LRP6: variants seen among roughly 807,000 people sequenced by gnomAD.
LRP6 encodes LDL receptor related protein 6.
A neutral mutation model predicts 184.1 loss-of-function variants in LRP6; 43 were observed. The observed-to-expected ratio is 0.23, with a 90% CI of 0.18 to 0.30. The LOEUF is 0.30. Ranked by LOEUF, LRP6 falls within the 10% of genes least tolerant of loss-of-function variation. The pLI, the probability that LRP6 is intolerant of heterozygous loss-of-function variation, is 1.00. For synonymous variants in LRP6, 719 were observed against 684.9 expected (o/e 1.05, Z -0.78); for missense variants, 1,571 against 2,005.3 (o/e 0.78, Z 4.14).
At chr12:12,201,321 T>C (rs1356513982) in intron 3 of LRP6, among the ~76,000 whole-genome samples, 1 of 152,212 alleles carries the variant, frequency 6.6e-6, no homozygotes, top group African/African-American at 2.4e-5. Flanking sequence ...AGTAGTTCCA[T>C]TTTGAGAGTT....
chr12:12,262,740 G>A (rs945499323), intron 1 of LRP6, among the ~76,000 whole-genome samples: 3 of 152,144 alleles, frequency 2.0e-5, no homozygotes, highest in Non-Finnish European at 2.9e-5. Flanking sequence ...TGTGAGGCCC[G>A]TTAGATTAGG....
chr12:12,180,928 A>G, intron 6 of LRP6, 115 bp downstream of exon 6: 1 of 1,080,344 alleles, frequency 9.3e-7, no homozygotes, highest in South Asian at 1.3e-5. Context: ...GACAGCCATT[A>G]AAGAGCTGTT....
At chr12:12,256,427 C>T (rs1264847526) in intron 1 of LRP6, among the ~76,000 whole-genome samples, 8 of 151,962 alleles carry the variant, frequency 5.3e-5, no homozygotes, top group Admixed American at 1.3e-4. Flanking sequence ...GAAGGATCAC[C>T]GGAGCCTGGG....
intron 3 of LRP6, among the ~76,000 whole-genome samples, chr12:12,198,888 C>T (rs1035251319): frequency 1.3e-5 from 2 of 152,024 alleles, no homozygotes; most frequent in Non-Finnish European, 2.9e-5. Flanking sequence ...TGACTTTTGA[C>T]TCATTTATTT....
At chr12:12,250,798 T>C (rs559444003) in intron 1 of LRP6, among the ~76,000 whole-genome samples, 2 of 151,858 alleles carry the variant, frequency 1.3e-5, no homozygotes, top group Non-Finnish European at 2.9e-5. Context: ...AATTTTTGTA[T>C]TTTTAGTAGA....
At chr12:12,241,388 G>A (rs1057011342) in intron 2 of LRP6, among the ~76,000 whole-genome samples, 2 of 152,036 alleles carry the variant, frequency 1.3e-5, no homozygotes, top group East Asian at 1.9e-4. Flanking sequence ...CACAATCCAC[G>A]ATACAAATCT....
chr12:12,215,399 A>G (rs1864315570), intron 2 of LRP6, among the ~76,000 whole-genome samples: 1 of 152,118 alleles, frequency 6.6e-6, no homozygotes, highest in Non-Finnish European at 1.5e-5. Flanking sequence ...AATGGCCTTA[A>G]TCAGTAAGGA....
chr12:12,136,478 A>G (rs1000866859), intron 16 of LRP6, among the ~76,000 whole-genome samples: 1 of 152,242 alleles, frequency 6.6e-6, no homozygotes, highest in African/African-American at 2.4e-5. Context: ...TTCCTCATAC[A>G]TGGGCTAAGT....
At chr12:12,248,610 T>C (rs1024422590) in intron 1 of LRP6, among the ~76,000 whole-genome samples, 13 of 149,996 alleles carry the variant, frequency 8.7e-5, no homozygotes, top group Non-Finnish European at 1.8e-4. Flanking sequence ...GCCTCCCGAG[T>C]AGCTGGGACT....
In LRP6 at chr12:12,131,940, T is replaced by C. The variant is rs570231124; in HGVS notation, c.3851A>G (p.Asn1284Ser). 17 of 1,614,158 alleles carry C rather than the reference T, an allele frequency of 1.1e-5. No individual in the cohort carries two copies. The African/African-American group carries it at 1.1e-4, about 10-fold the overall frequency. The change falls in exon 18 of 23, where the codon AAT becomes AGT. Residue 1284 changes from asparagine (N) to serine (S), a missense_variant. Asn to Ser is a conservative substitution (Grantham distance 46). Around this residue, in one of 4 missense-constraint regions of LRP6, gnomAD observed 763 missense variants for 859.5 expected, o/e 0.89. Coordinates refer to ENST00000261349, the MANE Select transcript of LRP6 (RefSeq NM_002336.3). The stretch of plus-strand genomic sequence containing the variant: ...CTGGGACTCTGAGCATACAGGACAA[T>C]TGAGTTCATCACTGTGGTCTTCACA... ...TECEDHSDEL[N>S]CPVCSESQFQ...
chr12:12,126,000 T>A (rs1300530321), intron 20 of LRP6, among the ~76,000 whole-genome samples: 6 of 152,210 alleles, frequency 3.9e-5, no homozygotes, highest in Admixed American at 3.9e-4. Context: ...AAAACCATGT[T>A]TGTCTACTTA....
rs56169717 is a variant in LRP6 at position 12,205,329 on chromosome 12, C to CAAAAAA, written c.450-1935_450-1930dup. Among the ~76,000 whole-genome samples, 33 of 39,106 alleles carry CAAAAAA rather than the reference C, an allele frequency of 8.4e-4. 1 individual carries two copies. Among genetic ancestry groups the CAAAAAA allele is most frequent in the African/African-American group, 1.3e-3 (17 of 13,246 alleles). The allele number at this position is 39,106 out of a possible 152,430, so 25.7% of individuals were successfully genotyped here. ...AGAATAAGACTCTGTCTCAAACAAACAAAAAAAAAAAAAAAAAAAAAAAAA... is the reference window on the plus strand; with the variant it reads ...AGAATAAGACTCTGTCTCAAACAAACAAAAAAAAAAAAAAAAAAAAAAAAAAAAAAA... On this transcript the variant is annotated intron_variant, in intron 2 of 22. Coordinates refer to ENST00000261349, the MANE Select transcript of LRP6 (RefSeq NM_002336.3).
rs147084218 is a variant in LRP6, at chr12:12,141,591, A to C, written c.3398-3057T>G. Among the ~76,000 whole-genome samples the C allele has an allele frequency of 5.0e-3, 755 of 152,328 alleles. 8 individuals are homozygous for C. The highest frequency in any genetic ancestry group is 0.017 in the African/African-American group (687 of 41,578). On this transcript the variant is annotated intron_variant, in intron 15 of 22. Transcript: ENST00000261349. The stretch of plus-strand genomic sequence containing the variant: ...ATGGAGTCCAGGAAATAGCAGGTTC[A>C]GCATCTGTATACTCCCAGGACAATG...
chr12:12,175,788 T>C (rs919064764), intron 7 of LRP6, among the ~76,000 whole-genome samples: 7 of 151,016 alleles, frequency 4.6e-5, no homozygotes, highest in Non-Finnish European at 1.0e-4. Flanking sequence ...GCATTGACAA[T>C]ACTATTGTTT....
chr12:12,198,177 A>G (rs1244812462), intron 3 of LRP6, among the ~76,000 whole-genome samples: 1 of 152,210 alleles, frequency 6.6e-6, no homozygotes, highest in Admixed American at 6.5e-5. Context: ...TTGGCCTCCC[A>G]AAGTACTGGG....
intron 12 of LRP6, 135 bp downstream of exon 12, chr12:12,158,694 C>A: frequency 2.4e-6 from 2 of 824,106 alleles, no homozygotes. Context: ...ACTTGCATTC[C>A]CCTACCCTTT....
intron 1 of LRP6, among the ~76,000 whole-genome samples, chr12:12,253,622 T>C (rs1865382731): frequency 7.0e-6 from 1 of 141,872 alleles, no homozygotes; most frequent in African/African-American, 2.6e-5. Context: ...CCCCTTCCTG[T>C]GTCCAAGTGT....
chr12:12,240,268 T>C (rs1398589870), intron 2 of LRP6, among the ~76,000 whole-genome samples: 1 of 152,148 alleles, frequency 6.6e-6, no homozygotes, highest in Non-Finnish European at 1.5e-5. Context: ...TTTTCCACTT[T>C]CCATACAAAA....
At chr12:12,132,522 T>C (rs1443371381) in intron 17 of LRP6, among the ~76,000 whole-genome samples, 2 of 152,146 alleles carry the variant, frequency 1.3e-5, no homozygotes, top group Non-Finnish European at 2.9e-5. Flanking sequence ...TAAGATGTCA[T>C]TGCTTTTTTT....
Sources: gnomAD v4.1 joint callset for allele counts (sites outside exome capture counted in the v4.1 genomes callset) on GRCh38, gnomAD v4.1.1 for gene constraint, gnomAD v4.1.1 regional missense constraint, MANE v1.5 for transcripts, NCBI Gene and HGNC (gene_info 2026-07-23, HGNC 2026-07-21) for gene names.